Variants in CACNG6 observed in about 807,000 individuals in gnomAD.
CACNG6 encodes voltage-dependent calcium channel gamma-6 subunit.
Under a neutral mutation model 23.9 loss-of-function variants are expected in CACNG6, and 21 were observed. The observed-to-expected ratio is 0.88, with a 90% CI of 0.62 to 1.26. The LOEUF is 1.26. Ranked by LOEUF, CACNG6 falls within the 50% of genes most tolerant of loss-of-function variation. CACNG6 has a pLI of 0.00. For missense variants in CACNG6, 340 were observed against 352.9 expected (o/e 0.96, Z 0.29); for synonymous variants, 182 against 168.9 (o/e 1.08, Z -0.60).
At chr19:53,995,607 G>T (rs114457104) in intron 1 of CACNG6, among the ~76,000 whole-genome samples, 16,079 of 152,210 alleles carry the variant, frequency 0.11, 1,136 homozygotes, top group African/African-American at 0.2. Flanking sequence ...CGTGTTTCCC[G>T]CAATGACTGC....
At chr19:53,999,103 T>C (rs550674710) in intron 2 of CACNG6, among the ~76,000 whole-genome samples, 40 of 152,036 alleles carry the variant, frequency 2.6e-4, no homozygotes, top group African/African-American at 9.4e-4. Context: ...TGATCTCAAG[T>C]GATCCACCCA....
intron 3 of CACNG6, among the ~76,000 whole-genome samples, chr19:54,005,445 T>A (rs1182921981): frequency 8.0e-6 from 1 of 125,764 alleles, no homozygotes; most frequent in Non-Finnish European, 1.7e-5. Context: ...CAAAAAAAAA[T>A]AGATAAAAAT....
At chr19:54,003,201 G>A (rs957790972) in intron 3 of CACNG6, among the ~76,000 whole-genome samples, 1 of 152,028 alleles carries the variant, frequency 6.6e-6, no homozygotes, top group African/African-American at 2.4e-5. Flanking sequence ...GCTCAGGGAG[G>A]GGGAGGCGGA....
Position 53,992,853 on chromosome 19 carries a change from C to T in CACNG6, c.-25C>T. On this transcript the variant is annotated 5_prime_UTR_variant, in exon 1 of 4. Transcript: ENST00000252729. This position sits in a 1 kb window ranked among gnomAD's most constrained non-coding sequence, Gnocchi z 4.1. The stretch of plus-strand genomic sequence containing the variant: ...CCCTTCGCCGGCTCTGCCTCCTCCC[C>T]CTTCCCGACCCCACCGGCCATAAGA... The T allele has an allele frequency of 1.5e-6, 2 of 1,366,666 alleles. No individual in the cohort carries two copies. The highest frequency in any genetic ancestry group is 1.9e-6 in the Non-Finnish European group (2 of 1,055,444). The allele number at this position is 1,366,666 out of a possible 1,614,324, so 84.7% of individuals were successfully genotyped here.
chr19:53,993,331 C>T, intron 1 of CACNG6, 123 bp downstream of exon 1: 1 of 1,019,734 alleles, frequency 9.8e-7, no homozygotes, highest in South Asian at 1.7e-5. Context: ...GACAGCTTGC[C>T]TCGCAGTAAG....
intron 3 of CACNG6, among the ~76,000 whole-genome samples, chr19:54,002,284 G>GTTTTTTTTTTTTTTTTTTTTTTTTGT (rs139176353): frequency 8.5e-6 from 1 of 117,430 alleles, no homozygotes; most frequent in Non-Finnish European, 1.6e-5. Flanking sequence ...TGTTTTTTTT[G>GTTTTTTTTTTTTTTTTTTTTTTTTGT]TTTTTTTTTT....
At chr19:54,008,386 GAAA>G (rs575982130) in intron 3 of CACNG6, among the ~76,000 whole-genome samples, 1 of 151,856 alleles carries the variant, frequency 6.6e-6, no homozygotes, top group African/African-American at 2.4e-5. Context: ...CAAACAAACA[GAAA>G]AAAACACCAC....
rs550463581 is a variant in CACNG6 at position 53,999,625 on chromosome 19, T to C, written c.407-9T>C. Reference sequence around the variant, plus strand: ...TGTTCTCTGCTTCTTTCCTCTCTCCTGCTGGCAGAGGTGAATCTGGCAGCT... The same window carrying C: ...TGTTCTCTGCTTCTTTCCTCTCTCCCGCTGGCAGAGGTGAATCTGGCAGCT... On this transcript the variant is annotated splice_polypyrimidine_tract_variant and intron_variant, in intron 2 of 3. Transcript: ENST00000252729. 1.9e-5 allele frequency: 31 copies of C among 1,612,952 alleles called. 1 individual carries two copies. The South Asian group carries it at 3.0e-4, about 15-fold the overall frequency.
chr19:54,005,334 G>A (rs1275508584), intron 3 of CACNG6, among the ~76,000 whole-genome samples: 2 of 151,244 alleles, frequency 1.3e-5, no homozygotes, highest in African/African-American at 4.9e-5. Context: ...GGCGAGGTAC[G>A]TGATCCCTTG....
chr19:54,010,081 C>T (rs1260076022), intron 3 of CACNG6, among the ~76,000 whole-genome samples: 2 of 127,814 alleles, frequency 1.6e-5, no homozygotes, highest in African/African-American at 3.1e-5. Context: ...AGTGCAATGG[C>T]GTGATCTTGG....
At chr19:54,006,517 C>CTTTTTTTTTTTTTTTTTT (rs1236056716) in intron 3 of CACNG6, among the ~76,000 whole-genome samples, 16 of 107,324 alleles carry the variant, frequency 1.5e-4, no homozygotes, top group African/African-American at 5.6e-4. Context: ...TTCCTTCTTT[C>CTTTTTTTTTTTTTTTTTT]TTTTCTTTTT....
intron 3 of CACNG6, among the ~76,000 whole-genome samples, chr19:54,006,404 C>G (rs307961): frequency 0.74 from 112,024 of 151,870 alleles, 41,815 homozygotes; most frequent in East Asian, 0.95. Context: ...CCAACGCGTC[C>G]ACAGGGAAGT....
intron 1 of CACNG6, among the ~76,000 whole-genome samples, chr19:53,994,841 A>G (rs2069504752): frequency 6.6e-6 from 1 of 152,072 alleles, no homozygotes; most frequent in Non-Finnish European, 1.5e-5. Flanking sequence ...ACCCTTGATC[A>G]TTTTATTTCT....
chr19:54,002,579 C>T (rs1175269076), intron 3 of CACNG6, among the ~76,000 whole-genome samples: 2 of 151,586 alleles, frequency 1.3e-5, no homozygotes, highest in South Asian at 2.1e-4. Flanking sequence ...GAGGACGCAA[C>T]GATGAATAAA....
At position 54,002,059 on chromosome 19, in the gene CACNG6, C is replaced by T. The variant is rs78587133; in HGVS notation, c.544+2288C>T. 4.8e-3 allele frequency among the ~76,000 whole-genome samples: 734 copies of T among 151,944 alleles called. 18 individuals carry two copies. In the East Asian group the frequency reaches 0.052, roughly 11 times the overall value. On this transcript the variant is annotated intron_variant, in intron 3 of 3. Coordinates refer to ENST00000252729, the MANE Select transcript of CACNG6 (RefSeq NM_145814.2). The stretch of plus-strand genomic sequence containing the variant: ...TTCTCTCCCCTTCCTTCCCCTCTCT[C>T]TCTTTCCCTATGTCTCTTTCTATCT...
intron 3 of CACNG6, among the ~76,000 whole-genome samples, chr19:54,006,091 A>AAAATAAATAAATAAATAAAT (rs71193802): frequency 0.17 from 24,443 of 140,244 alleles, 2,662 homozygotes; most frequent in East Asian, 0.25. Flanking sequence ...CTCTGTTTCA[A>AAAATAAATAAATAAATAAAT]AAATAAATAA....
rs2069465312 is a variant in CACNG6, at chr19:53,991,958, G to A, written c.-920G>A. Among the ~76,000 whole-genome samples the A allele has an allele frequency of 1.3e-5, 2 of 152,090 alleles. No individual in the cohort carries two copies. Among genetic ancestry groups the A allele is most frequent in the African/African-American group, 2.4e-5 (1 of 41,388 alleles). ...CCACAGCCCCATAGTGTGAGCCCCAGGAGGGCCCCCGGTCCCATCTGCCCC... is the reference window on the plus strand; with the variant it reads ...CCACAGCCCCATAGTGTGAGCCCCAAGAGGGCCCCCGGTCCCATCTGCCCC... On this transcript the variant is annotated 5_prime_UTR_variant, in exon 1 of 4. Transcript: ENST00000252729.
chr19:53,997,123 G>A (rs369720637), intron 1 of CACNG6, among the ~76,000 whole-genome samples: 12 of 152,120 alleles, frequency 7.9e-5, no homozygotes, highest in African/African-American at 2.9e-4. Flanking sequence ...TCCTGCCTCG[G>A]CCTCCCAAAG....
intron 3 of CACNG6, among the ~76,000 whole-genome samples, chr19:54,009,607 T>C (rs1369003934): frequency 6.6e-6 from 1 of 152,150 alleles, no homozygotes; most frequent in Admixed American, 6.5e-5. Context: ...TCTGCCATCA[T>C]TTCTACCTTA....
Sources: allele counts gnomAD v4.1 joint callset (sites outside exome capture counted in the v4.1 genomes callset), GRCh38; gene constraint gnomAD v4.1.1; non-coding constraint Gnocchi (gnomAD v3.1); transcripts MANE v1.5; gene names NCBI Gene and HGNC (gene_info 2026-07-23, HGNC 2026-07-21).